DISP3: variants seen among roughly 807,000 people sequenced by gnomAD.
DISP3 encodes dispatched RND transporter family member 3, also known as protein dispatched homolog 3.
DISP3 carries 101 observed loss-of-function variants against 135.3 expected under a neutral mutation model. The observed-to-expected ratio is 0.75, with a 90% CI of 0.64 to 0.88. DISP3 has a LOEUF of 0.88. Ranked by LOEUF, DISP3 falls within the 40% of genes least tolerant of loss-of-function variation. The pLI is 0.00. For synonymous variants in DISP3, 856 were observed against 817.0 expected, an observed-to-expected ratio of 1.05 and a Z score of -0.81; for missense variants, 1,713 against 1,878.6, an observed-to-expected ratio of 0.91 and a Z score of 1.63.
chr1:11,526,942 C>CA, intron 13 of DISP3, 107 bp downstream of exon 13: 1 of 1,268,420 alleles, frequency 7.9e-7, no homozygotes, highest in Non-Finnish European at 1.1e-6. Context: ...CAGGCCCCCT[C>CA]ACTTTTTTTT....
chr1:11,479,732 A>G (rs560709814), intron 1 of DISP3, among the ~76,000 whole-genome samples: 1 of 152,362 alleles, frequency 6.6e-6, no homozygotes, highest in South Asian at 2.1e-4. Flanking sequence ...ATCTGGGTCC[A>G]TAAAAGTTGA....
intron 13 of DISP3, among the ~76,000 whole-genome samples, chr1:11,528,632 A>G (rs925662556): frequency 1.3e-5 from 2 of 152,192 alleles, no homozygotes; most frequent in African/African-American, 4.8e-5. Context: ...ACAGTGGTAC[A>G]AGGCCATGCT....
chr1:11,484,792 A>T (rs1640991552), intron 1 of DISP3, among the ~76,000 whole-genome samples: 1 of 152,072 alleles, frequency 6.6e-6, no homozygotes, highest in Non-Finnish European at 1.5e-5. Context: ...ATTGGCATGG[A>T]TTTAGATTCT....
At chr1:11,480,878 C>T (rs1212588436) in intron 1 of DISP3, among the ~76,000 whole-genome samples, 3 of 151,900 alleles carry the variant, frequency 2.0e-5, no homozygotes, top group Admixed American at 6.6e-5. Flanking sequence ...AGGTGCCTTA[C>T]AGAATCTCCA....
chr1:11,522,705 G>A (rs1247315711), intron 10 of DISP3, among the ~76,000 whole-genome samples: 26 of 81,906 alleles, frequency 3.2e-4, no homozygotes, highest in East Asian at 9.4e-4. Flanking sequence ...GCCCAGCCAG[G>A]ACCCAGCCAG....
Position 11,536,638 on chromosome 1 carries a change from C to G in DISP3, c.4131C>G (p.Leu1377=), listed in dbSNP as rs778601011. The change falls in exon 21 of 21, where the codon CTC becomes CTG. Residue 1377 remains leucine, a synonymous_variant. Coordinates refer to ENST00000294484, the MANE Select transcript of DISP3 (RefSeq NM_020780.2). This position sits in a 1 kb window ranked among gnomAD's most constrained non-coding sequence, Gnocchi z 4.3. ...GALGLGACLV[L]LQSGYKIPLP... ...TGGGGCTGGGTGCCTGCCTCGTGCT[C>G]CTGCAGAGCGGCTATAAGATTCCCC... The G allele has an allele frequency of 6.2e-7, 1 of 1,601,920 alleles. No individual in the cohort carries two copies. Among genetic ancestry groups the G allele is most frequent in the Non-Finnish European group, 8.5e-7 (1 of 1,175,470 alleles).
Position 11,536,805 on chromosome 1 carries a change from C to A in DISP3, c.*119C>A. ...GCCTGGGCCCAGGGCGCCCTGCGGGCCAGCGTGGAGGCTGACACCCACACA... is the reference window on the plus strand; with the variant it reads ...GCCTGGGCCCAGGGCGCCCTGCGGGACAGCGTGGAGGCTGACACCCACACA... On this transcript the variant is annotated 3_prime_UTR_variant, in exon 21 of 21. Transcript: ENST00000294484. This position sits in a 1 kb window ranked among gnomAD's most constrained non-coding sequence, Gnocchi z 4.3. The A allele has an allele frequency of 7.6e-7, 1 of 1,320,762 alleles. No individual in the cohort carries two copies. The highest frequency in any genetic ancestry group is 1.0e-6 in the Non-Finnish European group (1 of 996,592). The allele number at this position is 1,320,762 out of a possible 1,614,324, so 81.8% of individuals were successfully genotyped here. A position where few individuals can be genotyped will look rare whatever the true frequency, so the allele number is the denominator to read the frequency against.
Position 11,534,557 on chromosome 1 carries a change from C to T in DISP3, c.3535+17C>T, listed in dbSNP as rs1256285507. The T allele has an allele frequency of 1.4e-5, 22 of 1,589,928 alleles. No individual in the cohort carries two copies. Among genetic ancestry groups the T allele is most frequent in the Non-Finnish European group, 1.5e-5 (18 of 1,167,250 alleles). On this transcript the variant is annotated intron_variant, in intron 18 of 20. Transcript: ENST00000294484. ...AAATCGTAGGCAAGCGGCAGCCTCG[C>T]CCCTCCATCCTGGGTGGGCAGGAGG...
chr1:11,515,896 C>G, intron 5 of DISP3, 105 bp from the exon 6 acceptor site: 1 of 1,318,384 alleles, frequency 7.6e-7, no homozygotes, highest in Non-Finnish European at 1.0e-6. Context: ...ACTCCTGCAG[C>G]CTGACCTCCC....
rs1277983947 is a variant in DISP3 at position 11,519,819 on chromosome 1, G to A, written c.2139G>A (p.Leu713=). The A allele has an allele frequency of 1.2e-6, 2 of 1,612,580 alleles. No homozygotes were observed. The highest frequency in any genetic ancestry group is 1.3e-5 in the African/African-American group (1 of 74,912). The change falls in exon 9 of 21, where the codon CTG becomes CTA. Residue 713 remains leucine (L), a synonymous_variant. Transcript: ENST00000294484. This position sits in a 1 kb window ranked among gnomAD's most constrained non-coding sequence, Gnocchi z 4.3. ...TGSRGHLIVQ[L]QELLHHWVLW... is the part of the protein sequence containing the mutation. ...GCCGCGGCCATCTCATCGTGCAGCT[G>A]CAGGAGCTGCTGCACCACTGGGTCC...
chr1:11,522,114 A>G (rs1029487631), intron 10 of DISP3, among the ~76,000 whole-genome samples: 20 of 152,092 alleles, frequency 1.3e-4, no homozygotes, highest in Non-Finnish European at 4.4e-5. Flanking sequence ...TGGCTCCTTG[A>G]TTTTGAGGTA....
At chr1:11,482,195 T>G (rs910300900) in intron 1 of DISP3, among the ~76,000 whole-genome samples, 2 of 152,128 alleles carry the variant, frequency 1.3e-5, no homozygotes, top group Admixed American at 6.5e-5. Context: ...TTGTCTGAGT[T>G]AAGGTCCTTC....
In DISP3 at chr1:11,531,631, T is replaced by C; in HGVS notation, c.3296T>C (p.Leu1099Pro). The C allele has an allele frequency of 6.2e-7, 1 of 1,613,424 alleles. No homozygotes were observed. The highest frequency in any genetic ancestry group is 8.5e-7 in the Non-Finnish European group (1 of 1,179,908). Residue 1099 changes from leucine (L) to proline (P), a missense_variant, in exon 17 of 21, where the codon CTG (leucine) becomes CCG (proline). Physicochemically the swap from Leu to Pro is moderately conservative, Grantham distance 98 (BLOSUM62 -3). Transcript: ENST00000294484. The surrounding 1 kb of genome is among the most constrained non-coding windows in gnomAD (Gnocchi z 5.2). ...TGCAAGGAGCTGCCCGAGCCCAACC[T>C]GCTCCCGGGGCAGCTGTCCCACGGG... is the stretch of plus-strand genomic sequence containing the variant. Reference protein sequence around the residue: ...PECKELPEPNLLPGQLSHGAV... With the variant: ...PECKELPEPNPLPGQLSHGAV...
intron 7 of DISP3, among the ~76,000 whole-genome samples, 196 bp downstream of exon 7, chr1:11,517,798 C>T (rs1642056591): frequency 6.6e-6 from 1 of 152,212 alleles, no homozygotes; most frequent in South Asian, 2.1e-4. Flanking sequence ...GTGAGCAAAG[C>T]ACTTGTGTCC....
chr1:11,495,227 T>C (rs1641298940), intron 1 of DISP3, among the ~76,000 whole-genome samples: 1 of 151,894 alleles, frequency 6.6e-6, no homozygotes, highest in Non-Finnish European at 1.5e-5. Context: ...CTATCTCTAC[T>C]AAAAAATACA....
In DISP3 at chr1:11,520,261, T is replaced by TCTCCACATA. The variant is rs1642145452; in HGVS notation, c.2200+381_2200+382insCTCCACATA. On this transcript the variant is annotated intron_variant, in intron 9 of 20. Transcript: ENST00000294484. This position sits in a 1 kb window ranked among gnomAD's most constrained non-coding sequence, Gnocchi z 4.8. ...TGAGAACGGTGGCTAGGAAGGCAGC[T>TCTCCACATA]GTCAGTGGAGAGTATGTATAAAGAC... 6.6e-6 allele frequency among the ~76,000 whole-genome samples: 1 copy of TCTCCACATA among 152,176 alleles called. No individual in the cohort carries two copies. The highest frequency in any genetic ancestry group is 2.1e-4 in the South Asian group (1 of 4,834).
chr1:11,529,511 C>T lies in DISP3; in HGVS notation c.2799-45C>T. ...CTGCTGGCCTCACCTCCCCTGACTC[C>T]TCCTAGCCTTTCCGGCCTCAGCCCA... On this transcript the variant is annotated intron_variant, in intron 13 of 20. Coordinates refer to ENST00000294484, the MANE Select transcript of DISP3 (RefSeq NM_020780.2). The surrounding 1 kb of genome is among the most constrained non-coding windows in gnomAD (Gnocchi z 4.7). 1.3e-6 allele frequency: 2 copies of T among 1,530,134 alleles called. No individual in the cohort carries two copies. The highest frequency in any genetic ancestry group is 1.8e-6 in the Non-Finnish European group (2 of 1,136,334). The allele number at this position is 1,530,134 out of a possible 1,614,324, so 94.8% of individuals were successfully genotyped here.
Position 11,502,009 on chromosome 1 carries a change from C to T in DISP3, c.1017C>T (p.Leu339=), listed in dbSNP as rs992221982. 6 of 1,610,550 alleles carry T rather than the reference C, an allele frequency of 3.7e-6. No individual in the cohort carries two copies. The highest frequency in any genetic ancestry group is 5.1e-6 in the Non-Finnish European group (6 of 1,178,112). ...SYSYCSPPSS[L]MTYFFPTERG... ...CCTACTGCTCGCCCCCCAGCTCGCT[C>T]ATGACCTACTTTTTTCCCACCGAGA... The change falls in exon 2 of 21, where the codon CTC becomes CTT. Residue 339 remains leucine (L), a synonymous_variant. Transcript: ENST00000294484.
intron 13 of DISP3, among the ~76,000 whole-genome samples, chr1:11,527,320 T>C (rs573793931): frequency 5.3e-5 from 8 of 151,916 alleles, no homozygotes; most frequent in East Asian, 2.0e-4. Context: ...GAGGCCGAGG[T>C]GGGCGGATCA....
Sources: gnomAD v4.1 joint callset for allele counts (sites outside exome capture counted in the v4.1 genomes callset) on GRCh38, gnomAD v4.1.1 for gene constraint, Gnocchi (gnomAD v3.1) non-coding constraint, MANE v1.5 for transcripts, NCBI Gene and HGNC (gene_info 2026-07-23, HGNC 2026-07-21) for gene names.